IL17C: variants seen among roughly 807,000 people sequenced by gnomAD.
IL17C encodes the protein interleukin-17C.
Under a neutral mutation model 11.0 loss-of-function variants are expected in IL17C, and 13 were observed. The ratio of observed to expected loss-of-function variants is 1.18; its 90% CI spans 0.77 to 1.88. The LOEUF is 1.88. IL17C is among the 40% of genes most tolerant of loss of function. IL17C has a pLI of 0.00. For missense variants in IL17C, 357 were observed against 278.2 expected (o/e 1.28, Z -2.01); for synonymous variants, 150 against 125.8 (o/e 1.19, Z -1.29).
chr16:88,640,388 C>G lies in IL17C; in HGVS notation c.*316C>G, dbSNP rs1046461802. The G allele has an allele frequency of 2.8e-6, 1 of 362,058 alleles. No homozygotes were observed. The highest frequency in any genetic ancestry group is 2.1e-5 in the African/African-American group (1 of 47,982). 22.4% of individuals were successfully genotyped at this position (362,058 alleles called of 1,614,324 possible). A position where few individuals can be genotyped will look rare whatever the true frequency, so the allele number is the denominator to read the frequency against. On this transcript the variant is annotated 3_prime_UTR_variant, in exon 3 of 3. Coordinates refer to ENST00000244241, the MANE Select transcript of IL17C (RefSeq NM_013278.4). ...CTGGCCTCAGGCCCCCGCAGGCTGC[C>G]TCTTCCCAACCTCCTTGGAAGTACC...
chr16:88,640,106 G>A lies in IL17C; in HGVS notation c.*34G>A, dbSNP rs564630758. ...GCCGTGGGGCCCCTAGACTGGACAC[G>A]TGTGCTCCCCAGAGGGCACCCCCTA... On this transcript the variant is annotated 3_prime_UTR_variant, in exon 3 of 3. Transcript: ENST00000244241. The A allele has an allele frequency of 4.0e-5, 60 of 1,517,268 alleles. No individual in the cohort carries two copies. The highest frequency in any genetic ancestry group is 9.1e-5 in the South Asian group (7 of 76,644). The allele number at this position is 1,517,268 out of a possible 1,614,324, so 94.0% of individuals were successfully genotyped here.
chr16:88,639,982 G>A lies in IL17C; in HGVS notation c.504G>A (p.Ser168=), dbSNP rs376824715. The A allele has an allele frequency of 2.6e-5, 42 of 1,609,504 alleles. No individual in the cohort carries two copies. The highest frequency in any genetic ancestry group is 8.8e-5 in the South Asian group (8 of 90,850). ...LRRRPCSRDG[S]GLPTPGAFAF... ...GCCGGCCCTGCTCCCGCGACGGCTC[G>A]GGGCTCCCCACACCTGGGGCCTTTG... Residue 168 remains serine, a synonymous_variant, in exon 3 of 3, where the codon TCG becomes TCA. Coordinates refer to ENST00000244241, the MANE Select transcript of IL17C (RefSeq NM_013278.4). This position sits in a 1 kb window ranked among gnomAD's most constrained non-coding sequence, Gnocchi z 5.1.
rs767550580 is a variant in IL17C, at chr16:88,639,939, GC to G, written c.463del (p.Leu155CysfsTer102). Reference protein sequence around the residue: ...AALNSVRLLQSLLVLRRRPCS... With the variant: ...AALNSVRLLQXLLVLRRRPCS... ...CTCAACTCCGTGCGGCTGCTCCAGA[GC>G]CTGCTGGTGCTGCGCCGCCGGCCCT... On this transcript the variant is annotated frameshift_variant, in exon 3 of 3. Coordinates refer to ENST00000244241, the MANE Select transcript of IL17C (RefSeq NM_013278.4). This position sits in a 1 kb window ranked among gnomAD's most constrained non-coding sequence, Gnocchi z 5.1. 1 of 1,610,332 alleles carries G rather than the reference GC, an allele frequency of 6.2e-7. No individual in the cohort carries two copies. The highest frequency in any genetic ancestry group is 1.1e-5 in the South Asian group (1 of 91,006).
At chr16:88,638,821 G>A (rs1906968388) in intron 1 of IL17C, 160 bp from the exon 2 acceptor site, 3 of 1,194,964 alleles carry the variant, frequency 2.5e-6, no homozygotes, top group South Asian at 2.6e-5. Context: ...CATGCTGGGT[G>A]TCTTGGGCTG....
At position 88,639,762 on chromosome 16, in the gene IL17C, C is replaced by G; in HGVS notation, c.336-52C>G. 6.8e-7 allele frequency: 1 copy of G among 1,471,484 alleles called. No homozygotes were observed. Among genetic ancestry groups the G allele is most frequent in the Non-Finnish European group, 9.0e-7 (1 of 1,108,958 alleles). The allele number at this position is 1,471,484 out of a possible 1,614,324, so 91.2% of individuals were successfully genotyped here. ...AGAGGGGCCCTGAGGGGAGAGGGGC[C>G]TCCAGGAGGACAGGGTAGGGCCAGA... On this transcript the variant is annotated intron_variant, in intron 2 of 2. Transcript: ENST00000244241. The surrounding 1 kb of genome is among the most constrained non-coding windows in gnomAD (Gnocchi z 5.1).
rs543783779 is a variant in IL17C, at chr16:88,640,195, C to A, written c.*123C>A. The A allele has an allele frequency of 1.8e-5, 21 of 1,162,258 alleles. No homozygotes were observed. Among genetic ancestry groups the A allele is most frequent in the Middle Eastern group, 3.0e-4 (1 of 3,318 alleles). The allele number at this position is 1,162,258 out of a possible 1,614,324, so 72.0% of individuals were successfully genotyped here. A position where few individuals can be genotyped will look rare whatever the true frequency, so the allele number is the denominator to read the frequency against. On this transcript the variant is annotated 3_prime_UTR_variant, in exon 3 of 3. Transcript: ENST00000244241. ...CACTACCCTTGGGGTCTGGGCATTC[C>A]CCGTGTCTGGAGGACAGCCCCCCAC...
At position 88,640,068 on chromosome 16, in the gene IL17C, T is replaced by C. The variant is rs768540345; in HGVS notation, c.590T>C (p.Val197Ala). Reference sequence around the variant, plus strand: ...TGCACCTGCGTGCTGCCCCGTTCAGTGTGACCGCCGAGGCCGTGGGGCCCC... The same window carrying C: ...TGCACCTGCGTGCTGCCCCGTTCAGCGTGACCGCCGAGGCCGTGGGGCCCC... The part of the protein sequence containing the change: ...VGCTCVLPRS[V>A] The change falls in exon 3 of 3, where the codon GTG (valine) becomes GCG (alanine). Residue 197 changes from valine (V) to alanine (A), a missense_variant. Val to Ala is a moderately conservative substitution (Grantham distance 64). Coordinates refer to ENST00000244241, the MANE Select transcript of IL17C (RefSeq NM_013278.4). 1.9e-6 allele frequency: 3 copies of C among 1,549,598 alleles called. No homozygotes were observed. The highest frequency in any genetic ancestry group is 2.4e-5 in the South Asian group (2 of 82,354).
rs1906982239 is a variant in IL17C at position 88,639,195 on chromosome 16, G to A, written c.221G>A (p.Ser74Asn). The change falls in exon 2 of 3, where the codon AGC (serine) becomes AAC (asparagine). Residue 74 changes from serine (S) to asparagine (N), a missense_variant. Transcript: ENST00000244241. This position sits in a 1 kb window ranked among gnomAD's most constrained non-coding sequence, Gnocchi z 5.1. ...VALVSSLEAASHRGRHERPSA... is the reference protein window; with the variant it reads ...VALVSSLEAANHRGRHERPSA... ...CTGGTGTCCAGCCTGGAGGCAGCAA[G>A]CCACAGGGGGAGGCACGAGAGGCCC... The A allele has an allele frequency of 1.2e-6, 2 of 1,612,720 alleles. No individual in the cohort carries two copies. The highest frequency in any genetic ancestry group is 2.7e-5 in the African/African-American group (2 of 74,950).
intron 1 of IL17C, 69 bp from the exon 2 acceptor site, chr16:88,638,912 A>AGCTGAGGTGGAAGTGAGGTGCCC: frequency 7.2e-7 from 1 of 1,382,642 alleles, no homozygotes; most frequent in Admixed American, 2.1e-5. Context: ...GAACAAGGAA[A>AGCTGAGGTGGAAGTGAGGTGCCC]GCTGAGGTGG....
chr16:88,638,810 G>A (rs924016271), intron 1 of IL17C, 163 bp downstream of exon 1: 16 of 1,240,090 alleles, frequency 1.3e-5, no homozygotes, highest in Admixed American at 5.6e-5. Flanking sequence ...CGGAGCGCTG[G>A]CATGCTGGGT....
Position 88,638,967 on chromosome 16 carries a change from G to T in IL17C, c.7-14G>T, listed in dbSNP as rs1906972299. ...CTGGGCACCTCCTAACCACCCACCT[G>T]CCTGTTTCACCAGCTCCTCCCCGGC... On this transcript the variant is annotated splice_polypyrimidine_tract_variant and intron_variant, in intron 1 of 2. Coordinates refer to ENST00000244241, the MANE Select transcript of IL17C (RefSeq NM_013278.4). 1 of 1,550,068 alleles carries T rather than the reference G, an allele frequency of 6.5e-7. No homozygotes were observed. Among genetic ancestry groups the T allele is most frequent in the East Asian group, 2.3e-5 (1 of 44,262 alleles).
At position 88,639,134 on chromosome 16, in the gene IL17C, C is replaced by T. The variant is rs776291170; in HGVS notation, c.160C>T (p.Arg54Ter). ...CCAGGCCCCCCCACACCTGCTGGCT[C>T]GAGGTGCCAAGTGGGGGCAGGCTTT... ...LGQAPPHLLA[R>*]GAKWGQALPV... Residue 54 changes from arginine (R) to a stop codon, truncating the protein, a stop_gained, in exon 2 of 3, where the codon CGA (arginine) becomes TGA (stop). Coordinates refer to ENST00000244241, the MANE Select transcript of IL17C (RefSeq NM_013278.4). LOFTEE classifies it high-confidence loss of function. The surrounding 1 kb of genome is among the most constrained non-coding windows in gnomAD (Gnocchi z 5.1). 1.6e-5 allele frequency: 26 copies of T among 1,612,920 alleles called. No individual in the cohort carries two copies. The highest frequency in any genetic ancestry group is 1.4e-4 in the South Asian group (13 of 91,076).
rs375079864 is a variant in IL17C, at chr16:88,639,976, C to T, written c.498C>T (p.Asp166=). The change falls in exon 3 of 3, where the codon GAC becomes GAT. Residue 166 remains aspartate, a synonymous_variant. Transcript: ENST00000244241. The surrounding 1 kb of genome is among the most constrained non-coding windows in gnomAD (Gnocchi z 5.1). ...LVLRRRPCSR[D]GSGLPTPGAF... Reference sequence around the variant, plus strand: ...TGCGCCGCCGGCCCTGCTCCCGCGACGGCTCGGGGCTCCCCACACCTGGGG... The same window carrying T: ...TGCGCCGCCGGCCCTGCTCCCGCGATGGCTCGGGGCTCCCCACACCTGGGG... 1.7e-5 allele frequency: 28 copies of T among 1,609,570 alleles called. No individual in the cohort carries two copies. Among genetic ancestry groups the T allele is most frequent in the Middle Eastern group, 1.7e-4 (1 of 6,060 alleles).
chr16:88,638,948 ACCT>A, intron 1 of IL17C, 30 bp from the exon 2 acceptor site: 1 of 1,519,976 alleles, frequency 6.6e-7, no homozygotes, highest in East Asian at 2.3e-5. Flanking sequence ...TGCCCTGGGC[ACCT>A]CCTAACCACC....
rs1452401369 is a variant in IL17C at position 88,639,786 on chromosome 16, G to C, written c.336-28G>C. 5.3e-6 allele frequency: 8 copies of C among 1,512,220 alleles called. No homozygotes were observed. Among genetic ancestry groups the C allele is most frequent in the Non-Finnish European group, 7.1e-6 (8 of 1,126,392 alleles). 93.7% of individuals were successfully genotyped at this position (1,512,220 alleles called of 1,614,324 possible). A position where few individuals can be genotyped will look rare whatever the true frequency, so the allele number is the denominator to read the frequency against. On this transcript the variant is annotated intron_variant, in intron 2 of 2. Transcript: ENST00000244241. The surrounding 1 kb of genome is among the most constrained non-coding windows in gnomAD (Gnocchi z 5.1). ...CCTCCAGGAGGACAGGGTAGGGCCAGAGACTCACTGTGCACCCCGTCCCGC... is the reference window on the plus strand; with the variant it reads ...CCTCCAGGAGGACAGGGTAGGGCCACAGACTCACTGTGCACCCCGTCCCGC...
Position 88,640,033 on chromosome 16 carries a change from C to T in IL17C, c.555C>T (p.Val185=). ...CCTTCCACACCGAGTTCATCCACGT[C>T]CCCGTCGGCTGCACCTGCGTGCTGC... ...AFAFHTEFIH[V]PVGCTCVLPR... is the part of the protein sequence containing the mutation. Residue 185 remains valine (V), a synonymous_variant, in exon 3 of 3, where the codon GTC becomes GTT. Transcript: ENST00000244241. 1 of 1,592,076 alleles carries T rather than the reference C, an allele frequency of 6.3e-7. No individual in the cohort carries two copies. The highest frequency in any genetic ancestry group is 8.6e-7 in the Non-Finnish European group (1 of 1,166,838).
At chr16:88,638,713 G>A (rs948607413) in intron 1 of IL17C, 66 bp downstream of exon 1, 3 of 1,610,662 alleles carry the variant, frequency 1.9e-6, no homozygotes, top group African/African-American at 2.7e-5. Flanking sequence ...TGGAAGGGCT[G>A]GGGTTCTCTG....
chr16:88,639,175 G>A lies in IL17C; in HGVS notation c.201G>A (p.Val67=), dbSNP rs777681671. ...KWGQALPVAL[V]SSLEAASHRG... Reference sequence around the variant, plus strand: ...GGCAGGCTTTGCCTGTAGCCCTGGTGTCCAGCCTGGAGGCAGCAAGCCACA... The same window carrying A: ...GGCAGGCTTTGCCTGTAGCCCTGGTATCCAGCCTGGAGGCAGCAAGCCACA... The change falls in exon 2 of 3, where the codon GTG becomes GTA. Residue 67 remains valine (V), a synonymous_variant. Coordinates refer to ENST00000244241, the MANE Select transcript of IL17C (RefSeq NM_013278.4). The surrounding 1 kb of genome is among the most constrained non-coding windows in gnomAD (Gnocchi z 5.1). The A allele has an allele frequency of 2.5e-6, 4 of 1,612,880 alleles. No homozygotes were observed. In the South Asian group the frequency reaches 4.4e-5, roughly 18 times the overall value.
chr16:88,638,781 G>A, intron 1 of IL17C, 134 bp downstream of exon 1: 1 of 1,402,952 alleles, frequency 7.1e-7, no homozygotes, highest in Non-Finnish European at 1.0e-6. Flanking sequence ...TGGGGGTAGG[G>A]GAGGCAGCTG....
Sources: gnomAD v4.1 joint callset for allele counts on GRCh38, gnomAD v4.1.1 for gene constraint, Gnocchi (gnomAD v3.1) non-coding constraint, MANE v1.5 for transcripts, NCBI Gene and HGNC (gene_info 2026-07-23, HGNC 2026-07-21) for gene names.